Variants in NRG2 observed in about 807,000 individuals in gnomAD.
NRG2 encodes the protein pro-neuregulin-2, membrane-bound isoform.
NRG2 carries 27 observed loss-of-function variants against 73.9 expected under a neutral mutation model. The ratio of observed to expected loss-of-function variants is 0.37; its 90% confidence interval spans 0.27 to 0.50. NRG2 has a LOEUF of 0.50. Among genes scored for constraint, NRG2 ranks in the 20% least tolerant of loss-of-function variants. The probability of loss-of-function intolerance (pLI) is 0.96; values close to 1 mark genes in which losing one functional copy is unlikely to be tolerated. For synonymous variants in NRG2, 532 were observed against 541.0 expected (o/e 0.98, Z 0.23); for missense variants, 1,126 against 1,210.1 (o/e 0.93, Z 1.03).
Position 139,887,538 on chromosome 5 carries a change from G to A in NRG2, c.701-27C>T. 6.2e-7 allele frequency: 1 copy of A among 1,610,538 alleles called. No homozygotes were observed. The highest frequency in any genetic ancestry group is 8.5e-7 in the Non-Finnish European group (1 of 1,177,584). On this transcript the variant is annotated intron_variant, in intron 1 of 9. Transcript: ENST00000361474. The surrounding 1 kb of genome is among the most constrained non-coding windows in gnomAD (Gnocchi z 4.5). ...TGTGGGTTACAAGGCAGGTAGGTGAGCACGGTGGTGGTAGGGGCAGTGCCA... is the reference window on the plus strand; with the variant it reads ...TGTGGGTTACAAGGCAGGTAGGTGAACACGGTGGTGGTAGGGGCAGTGCCA...
At chr5:139,922,463 G>A (rs1751746707) in intron 1 of NRG2, among the ~76,000 whole-genome samples, 1 of 152,238 alleles carries the variant, frequency 6.6e-6, no homozygotes, top group Admixed American at 6.5e-5. Context: ...ATTCTGGTGA[G>A]GATGTGGAAC....
At chr5:139,883,735 C>T (rs939772809) in intron 2 of NRG2, among the ~76,000 whole-genome samples, 1 of 152,156 alleles carries the variant, frequency 6.6e-6, no homozygotes, top group Non-Finnish European at 1.5e-5. Flanking sequence ...TCCGAGGGCG[C>T]CTTGGTCGCA....
rs79834760 is a variant in NRG2, at chr5:140,038,564, G to A, written c.700+3806C>T. ...TTTCAGCACAGGACTTGATGTCACA[G>A]GTCAGAGAGTTAAGATTGTTTTAGT... On this transcript the variant is annotated intron_variant, in intron 1 of 9. Transcript: ENST00000361474. Among the ~76,000 whole-genome samples, 204 of 152,324 alleles carry A rather than the reference G, an allele frequency of 1.3e-3. 9 individuals carry two copies. In the East Asian group the frequency reaches 0.036, roughly 27 times the overall value.
chr5:139,848,490 G>A lies in NRG2; in HGVS notation c.1980C>T (p.Pro660=). The A allele has an allele frequency of 8.7e-7, 1 of 1,144,500 alleles. No individual in the cohort carries two copies. Among genetic ancestry groups the A allele is most frequent in the Non-Finnish European group, 1.1e-6 (1 of 922,208 alleles). 70.9% of individuals were successfully genotyped at this position (1,144,500 alleles called of 1,614,324 possible). The change falls in exon 10 of 10, where the codon CCC becomes CCT. Residue 660 remains proline, a synonymous_variant. Transcript: ENST00000361474. ...CTGCGCCGGGCCCGGGCCCGGGCCCGGGTCCGGGTCCCGGGCCGGGGGGCG... is the reference window on the plus strand; with the variant it reads ...CTGCGCCGGGCCCGGGCCCGGGCCCAGGTCCGGGTCCCGGGCCGGGGGGCG... The part of the protein sequence containing the change: ...HPAPPGPGPG[P]GPGPGPGADM...
chr5:139,883,862 G>A (rs1763700876), intron 2 of NRG2, among the ~76,000 whole-genome samples: 1 of 152,166 alleles, frequency 6.6e-6, no homozygotes, highest in Non-Finnish European at 1.5e-5. Flanking sequence ...AATGGGGCAG[G>A]GCCCTGAAAG....
intron 1 of NRG2, among the ~76,000 whole-genome samples, chr5:140,032,066 G>T (rs1580988609): frequency 6.6e-6 from 1 of 152,154 alleles, no homozygotes; most frequent in South Asian, 2.1e-4. Context: ...CCCCCAAATT[G>T]TCTACTAGGC....
chr5:139,996,538 GT>G (rs751147895), intron 1 of NRG2, among the ~76,000 whole-genome samples: 18 of 152,184 alleles, frequency 1.2e-4, no homozygotes, highest in Non-Finnish European at 2.2e-4. Flanking sequence ...CCATAAACCT[GT>G]TGTAAAGAAA....
intron 1 of NRG2, among the ~76,000 whole-genome samples, chr5:140,014,918 C>T (rs868619132): frequency 3.9e-5 from 6 of 152,224 alleles, no homozygotes; most frequent in Non-Finnish European, 8.8e-5. Context: ...CTCTAAACTC[C>T]GCTCATTCTA....
chr5:139,939,204 T>TTTCCTTCCTTCCTTCCTTCC (rs199952110), intron 1 of NRG2, among the ~76,000 whole-genome samples: 2 of 133,884 alleles, frequency 1.5e-5, no homozygotes, highest in East Asian at 2.2e-4. Context: ...CAAAGATTTC[T>TTTCCTTCCTTCCTTCCTTCC]TTCCTTCCTT....
In NRG2 at chr5:139,904,065, G is replaced by A. The variant is rs554795693; in HGVS notation, c.701-16554C>T. ...CGTGCAGCGCCTCTTGCCCGCCCCT[G>A]CGTGGGGACGCGGCCGCCCGGGGAG... On this transcript the variant is annotated intron_variant, in intron 1 of 9. Coordinates refer to ENST00000361474, the MANE Select transcript of NRG2 (RefSeq NM_004883.3). The surrounding 1 kb of genome is among the most constrained non-coding windows in gnomAD (Gnocchi z 6.0). Among the ~76,000 whole-genome samples, 1 of 152,306 alleles carries A rather than the reference G, an allele frequency of 6.6e-6. No homozygotes were observed. Among genetic ancestry groups the A allele is most frequent in the South Asian group, 2.1e-4 (1 of 4,828 alleles).
intron 1 of NRG2, among the ~76,000 whole-genome samples, chr5:140,026,808 T>C (rs1478835881): frequency 1.3e-5 from 2 of 152,072 alleles, no homozygotes; most frequent in Non-Finnish European, 2.9e-5. Flanking sequence ...CTTGGAAGAC[T>C]AGATAAATGC....
chr5:140,008,706 G>C lies in NRG2; in HGVS notation c.700+33664C>G, dbSNP rs138213572. Among the ~76,000 whole-genome samples, 1 of 152,230 alleles carries C rather than the reference G, an allele frequency of 6.6e-6. No homozygotes were observed. The highest frequency in any genetic ancestry group is 1.5e-5 in the Non-Finnish European group (1 of 68,046). The stretch of plus-strand genomic sequence containing the variant: ...AGAGAATGCTTATTTATCCCTCTCA[G>C]TCGGGGAGAAATAACTGACAAATGA... On this transcript the variant is annotated intron_variant, in intron 1 of 9. Coordinates refer to ENST00000361474, the MANE Select transcript of NRG2 (RefSeq NM_004883.3). The surrounding 1 kb of genome is among the most constrained non-coding windows in gnomAD (Gnocchi z 4.2).
chr5:140,031,089 C>T (rs1347591904), intron 1 of NRG2, among the ~76,000 whole-genome samples: 2 of 152,202 alleles, frequency 1.3e-5, no homozygotes, highest in Non-Finnish European at 2.9e-5. Flanking sequence ...ATTATGCCTA[C>T]CTCCCCATTA....
chr5:139,987,358 A>G (rs1368124849), intron 1 of NRG2, among the ~76,000 whole-genome samples: 1 of 125,640 alleles, frequency 8.0e-6, no homozygotes, highest in African/African-American at 3.1e-5. Flanking sequence ...ACAGAGCAAG[A>G]CTCTGTCTCA....
At chr5:139,946,093 T>G (rs530976935) in intron 1 of NRG2, among the ~76,000 whole-genome samples, 1 of 152,158 alleles carries the variant, frequency 6.6e-6, no homozygotes, top group South Asian at 2.1e-4. Flanking sequence ...GGCTTGCTTT[T>G]TTTGCAAAAA....
At chr5:139,985,248 G>C (rs907033851) in intron 1 of NRG2, among the ~76,000 whole-genome samples, 5 of 151,600 alleles carry the variant, frequency 3.3e-5, no homozygotes, top group Non-Finnish European at 7.4e-5. Flanking sequence ...GCTGAGGCAG[G>C]AGAATCACTC....
Position 139,941,840 on chromosome 5 carries a change from C to A in NRG2, c.701-54329G>T, listed in dbSNP as rs1454119846. 3.3e-5 allele frequency among the ~76,000 whole-genome samples: 5 copies of A among 152,234 alleles called. No homozygotes were observed. The East Asian group carries it at 5.8e-4, about 18-fold the overall frequency. ...CTTGTGTGGAACGGAGAGCTTGCTT[C>A]TTGTTTCAACTTCCCATAGCATGGG... On this transcript the variant is annotated intron_variant, in intron 1 of 9. Transcript: ENST00000361474.
intron 1 of NRG2, among the ~76,000 whole-genome samples, chr5:139,893,789 C>T (rs901304856): frequency 2.6e-5 from 4 of 152,200 alleles, no homozygotes; most frequent in African/African-American, 9.7e-5. Context: ...TTTATAAGAA[C>T]AAGAAGCTCT....
chr5:139,914,161 G>C (rs1258005394), intron 1 of NRG2, among the ~76,000 whole-genome samples: 1 of 152,024 alleles, frequency 6.6e-6, no homozygotes, highest in Non-Finnish European at 1.5e-5. Flanking sequence ...CTCAGAAAAA[G>C]AAATAATAAT....
Sources: gnomAD v4.1 joint callset for allele counts (sites outside exome capture counted in the v4.1 genomes callset) on GRCh38, gnomAD v4.1.1 for gene constraint, Gnocchi (gnomAD v3.1) non-coding constraint, MANE v1.5 for transcripts, NCBI Gene and HGNC (gene_info 2026-07-23, HGNC 2026-07-21) for gene names.